SNTG1: variants seen among roughly 807,000 people sequenced by gnomAD.
SNTG1 encodes gamma-1-syntrophin.
Under a neutral mutation model 74.7 loss-of-function variants are expected in SNTG1, and 39 were observed. The ratio of observed to expected loss-of-function variants is 0.52; its 90% CI spans 0.40 to 0.68. The LOEUF (loss-of-function observed/expected upper bound fraction) is 0.68, where lower values mean the gene tolerates loss of function less well. SNTG1 is among the 30% of genes least tolerant of loss of function. The pLI is 0.00. For synonymous variants in SNTG1, 254 were observed against 217.1 expected (o/e 1.17, Z -1.49); for missense variants, 685 against 609.5 (o/e 1.12, Z -1.30).
At chr8:50,214,374 A>T (rs2084674434) in intron 2 of SNTG1, among the ~76,000 whole-genome samples, 1 of 151,930 alleles carries the variant, frequency 6.6e-6, no homozygotes, top group Non-Finnish European at 1.5e-5. Context: ...TAACCTGCAC[A>T]TTATGCACAT....
intron 1 of SNTG1, among the ~76,000 whole-genome samples, chr8:50,165,348 T>A (rs1428171670): frequency 6.6e-6 from 1 of 152,206 alleles, no homozygotes; most frequent in Non-Finnish European, 1.5e-5. Context: ...TTTAGCAAAC[T>A]GATGTTTGGA....
intron 2 of SNTG1, among the ~76,000 whole-genome samples, chr8:50,348,590 A>G (rs1257114081): frequency 6.6e-6 from 1 of 152,196 alleles, no homozygotes; most frequent in Non-Finnish European, 1.5e-5. Context: ...TATTTAATGT[A>G]GGATGATAAA....
At chr8:50,595,933 ATATT>A (rs1358059700) in intron 13 of SNTG1, among the ~76,000 whole-genome samples, 1 of 152,036 alleles carries the variant, frequency 6.6e-6, no homozygotes, top group Non-Finnish European at 1.5e-5. Context: ...GCTGATATAA[ATATT>A]TATGAAAAGT....
At chr8:50,695,290 G>A (rs1162200047) in intron 15 of SNTG1, among the ~76,000 whole-genome samples, 1 of 151,460 alleles carries the variant, frequency 6.6e-6, no homozygotes, top group African/African-American at 2.4e-5. Context: ...AATTAGTAGT[G>A]TTTCTTTACA....
rs1487329343 is a variant in SNTG1 at position 50,122,390 on chromosome 8, G to T, written c.-102-50171G>T. Among the ~76,000 whole-genome samples the T allele has an allele frequency of 2.1e-5, 3 of 141,050 alleles. 1 individual carries two copies. The East Asian group carries it at 6.1e-4, about 29-fold the overall frequency. The allele number at this position is 141,050 out of a possible 152,430, so 92.5% of individuals were successfully genotyped here. ...AGTGAGGGAGTGAGGTCCCTTTCAG[G>T]AGTTACAGTAGATTTGCGAGGCCTG... On this transcript the variant is annotated intron_variant, in intron 1 of 18. Coordinates refer to ENST00000642720, the MANE Select transcript of SNTG1 (RefSeq NM_018967.5).
At chr8:50,571,087 T>C (rs1350016334) in intron 12 of SNTG1, among the ~76,000 whole-genome samples, 2 of 152,106 alleles carry the variant, frequency 1.3e-5, no homozygotes, top group African/African-American at 4.8e-5. Context: ...CACCCTTTTG[T>C]CCAATGAGCC....
intron 1 of SNTG1, among the ~76,000 whole-genome samples, chr8:49,947,424 T>C (rs1809298339): frequency 6.6e-6 from 1 of 152,228 alleles, no homozygotes; most frequent in Admixed American, 6.5e-5. Context: ...GGTGAATACA[T>C]TCTTTTTGTT....
At chr8:50,782,706 G>C (rs1175980906) in intron 18 of SNTG1, among the ~76,000 whole-genome samples, 1 of 152,126 alleles carries the variant, frequency 6.6e-6, no homozygotes, top group Non-Finnish European at 1.5e-5. Flanking sequence ...CTCTCAACTT[G>C]TCAAAGTCAT....
chr8:50,619,994 GCA>G (rs2094911270), intron 13 of SNTG1, among the ~76,000 whole-genome samples: 1 of 151,792 alleles, frequency 6.6e-6, no homozygotes, highest in Non-Finnish European at 1.5e-5. Flanking sequence ...AGCTTAAACA[GCA>G]CAGATTTCTC....
At chr8:50,666,937 T>C (rs1246273969) in intron 15 of SNTG1, among the ~76,000 whole-genome samples, 3 of 152,020 alleles carry the variant, frequency 2.0e-5, no homozygotes, top group African/African-American at 7.2e-5. Context: ...TTTACTTAAA[T>C]GTGATTGAAA....
chr8:50,286,640 T>A (rs2088803036), intron 2 of SNTG1: 1 of 152,168 alleles, frequency 6.6e-6, no homozygotes, highest in East Asian at 1.9e-4. Flanking sequence ...AACCCAACAT[T>A]ATTGTCGTTG....
At chr8:50,208,898 C>T (rs4873425) in intron 2 of SNTG1, among the ~76,000 whole-genome samples, 65,649 of 152,048 alleles carry the variant, frequency 0.43, 17,894 homozygotes, top group African/African-American at 0.78. Context: ...TGGGGCTTGT[C>T]GGACAGTGGG....
intron 1 of SNTG1, among the ~76,000 whole-genome samples, chr8:49,936,232 G>A (rs570132810): frequency 3.1e-4 from 47 of 152,146 alleles, no homozygotes; most frequent in Admixed American, 2.6e-4. Context: ...CTGACTTAAC[G>A]CCTTTTAAAA....
At chr8:50,359,912 CAT>C (rs1432499353) in intron 2 of SNTG1, among the ~76,000 whole-genome samples, 10 of 152,000 alleles carry the variant, frequency 6.6e-5, no homozygotes, top group South Asian at 6.2e-4. Flanking sequence ...CTTTTTTCCA[CAT>C]GAGTGTGTTA....
At chr8:50,449,835 T>C in intron 6 of SNTG1, 110 bp downstream of exon 6, 1 of 949,636 alleles carries the variant, frequency 1.1e-6, no homozygotes, top group Non-Finnish European at 1.5e-6. Flanking sequence ...TGGCTCCAGC[T>C]TCCCCACCTT....
intron 17 of SNTG1, among the ~76,000 whole-genome samples, chr8:50,738,752 C>G (rs1380623563): frequency 1.3e-5 from 2 of 151,386 alleles, no homozygotes; most frequent in East Asian, 3.9e-4. Context: ...AGAAATAACA[C>G]CACACATCTA....
chr8:50,480,557 C>A (rs2131813188), intron 8 of SNTG1, among the ~76,000 whole-genome samples: 2 of 152,284 alleles, frequency 1.3e-5, no homozygotes, highest in South Asian at 4.1e-4. Context: ...AAACAAATTG[C>A]TAACTAGTGC....
intron 13 of SNTG1, among the ~76,000 whole-genome samples, chr8:50,623,804 T>C (rs1227880680): frequency 1.3e-5 from 2 of 152,014 alleles, no homozygotes; most frequent in African/African-American, 4.8e-5. Context: ...ACTAGTAATC[T>C]TTTAAAAATC....
chr8:50,320,769 C>A (rs1217687663), intron 2 of SNTG1, among the ~76,000 whole-genome samples: 3 of 148,382 alleles, frequency 2.0e-5, no homozygotes, highest in African/African-American at 7.9e-5. Context: ...TCTTCATTGA[C>A]CCACTCATCA....
Sources: gnomAD v4.1 joint callset for allele counts (sites outside exome capture counted in the v4.1 genomes callset) on GRCh38, gnomAD v4.1.1 for gene constraint, MANE v1.5 for transcripts, NCBI Gene and HGNC (gene_info 2026-07-23, HGNC 2026-07-21) for gene names.